GOLGA4: variants seen among roughly 807,000 people sequenced by gnomAD.
GOLGA4 encodes golgin A4.
Under a neutral mutation model 265.9 loss-of-function variants are expected in GOLGA4, and 169 were observed. The ratio of observed to expected loss-of-function variants is 0.64; its 90% CI spans 0.56 to 0.72. The LOEUF (loss-of-function observed/expected upper bound fraction) is 0.72, where lower values mean the gene tolerates loss of function less well. Among genes scored for constraint, GOLGA4 ranks in the 30% least tolerant of loss-of-function variants. The pLI is 0.00. For synonymous variants in GOLGA4, 923 were observed against 855.8 expected (o/e 1.08, Z -1.37); for missense variants, 2,482 against 2,483.4 (o/e 1.00, Z 0.01).
chr3:37,351,322 T>G (rs2097073785), intron 21 of GOLGA4, among the ~76,000 whole-genome samples: 1 of 152,112 alleles, frequency 6.6e-6, no homozygotes, highest in Non-Finnish European at 1.5e-5. Flanking sequence ...CTAATTCTGG[T>G]TCTCTTGATA....
At chr3:37,334,924 T>TGTTTA (rs2097004721) in intron 16 of GOLGA4, 129 bp from the exon 17 acceptor site, 1 of 577,634 alleles carries the variant, frequency 1.7e-6, no homozygotes, top group Non-Finnish European at 3.1e-6. Flanking sequence ...AAAACTTAAA[T>TGTTTA]GTTTATTTCC....
At position 37,361,301 on chromosome 3, in the gene GOLGA4, A is replaced by G; in HGVS notation, c.*29A>G. The G allele has an allele frequency of 6.2e-7, 1 of 1,607,754 alleles. No homozygotes were observed. The highest frequency in any genetic ancestry group is 8.5e-7 in the Non-Finnish European group (1 of 1,174,340). On this transcript the variant is annotated 3_prime_UTR_variant, in exon 23 of 24. Coordinates refer to ENST00000361924, the MANE Select transcript of GOLGA4 (RefSeq NM_002078.5). ...AACCATCAGTCTGTGCTTAGTTAACATGTGGTGAGTGAAGAACAATGTCTT... is the reference window on the plus strand; with the variant it reads ...AACCATCAGTCTGTGCTTAGTTAACGTGTGGTGAGTGAAGAACAATGTCTT...
intron 23 of GOLGA4, 98 bp from the exon 24 acceptor site, chr3:37,365,982 T>A: frequency 3.8e-6 from 4 of 1,054,674 alleles, no homozygotes; most frequent in Admixed American, 2.3e-5. Flanking sequence ...TAGAATTTTA[T>A]TTCAAACTTG....
At chr3:37,330,196 C>CTT (rs1036881025) in intron 16 of GOLGA4, among the ~76,000 whole-genome samples, 3 of 146,350 alleles carry the variant, frequency 2.0e-5, no homozygotes, top group Non-Finnish European at 3.0e-5. Context: ...TTTAGTTCTA[C>CTT]TTTTTTTTTT....
At chr3:37,294,016 T>C (rs534336535) in intron 5 of GOLGA4, among the ~76,000 whole-genome samples, 1 of 152,316 alleles carries the variant, frequency 6.6e-6, no homozygotes, top group East Asian at 1.9e-4. Flanking sequence ...ATTATAATCT[T>C]ATGAAACCAC....
Position 37,275,399 on chromosome 3 carries a change from C to G in GOLGA4, c.163-6559C>G, listed in dbSNP as rs113661281. Among the ~76,000 whole-genome samples the G allele has an allele frequency of 3.4e-3, 519 of 152,228 alleles. 4 individuals carry two copies. Among genetic ancestry groups the G allele is most frequent in the African/African-American group, 0.012 (506 of 41,528 alleles). On this transcript the variant is annotated intron_variant, in intron 2 of 23. Transcript: ENST00000361924. ...GTCTGTTGACTCTAGTCTTGAGCAGCCACTCCAGTTAATCCCAAATTCTCT... is the reference window on the plus strand; with the variant it reads ...GTCTGTTGACTCTAGTCTTGAGCAGGCACTCCAGTTAATCCCAAATTCTCT...
At chr3:37,301,705 C>T (rs2096893100) in intron 9 of GOLGA4, among the ~76,000 whole-genome samples, 1 of 151,970 alleles carries the variant, frequency 6.6e-6, no homozygotes, top group Non-Finnish European at 1.5e-5. Context: ...GAAAACAGAC[C>T]TCAGTTTGTG....
chr3:37,263,531 A>G (rs1005413642), intron 2 of GOLGA4, among the ~76,000 whole-genome samples: 6 of 152,130 alleles, frequency 3.9e-5, no homozygotes, highest in Admixed American at 3.9e-4. Context: ...CTCAGCATGT[A>G]TCCCCTCCCT....
intron 10 of GOLGA4, among the ~76,000 whole-genome samples, chr3:37,314,828 A>C (rs2096933133): frequency 6.6e-6 from 1 of 152,180 alleles, no homozygotes; most frequent in African/African-American, 2.4e-5. Context: ...TCACCTGGAA[A>C]CAACTCTGGT....
In GOLGA4 at chr3:37,282,229, G is replaced by A. The variant is rs370044379; in HGVS notation, c.434G>A (p.Arg145Lys). Residue 145 changes from arginine (R) to lysine (K), a missense_variant, in exon 3 of 24, where the codon AGA becomes AAA. Physicochemically the swap from Arg to Lys is conservative, Grantham distance 26 (BLOSUM62 2). Coordinates refer to ENST00000361924, the MANE Select transcript of GOLGA4 (RefSeq NM_002078.5). ...NKEQLIQRLR[R>K]MERSLSSYRG... ...GAACAGTTGATTCAGCGGTTGCGAAGAATGGAACGAAGCTTAAGTAGCTAC... is the reference window on the plus strand; with the variant it reads ...GAACAGTTGATTCAGCGGTTGCGAAAAATGGAACGAAGCTTAAGTAGCTAC... 28 of 1,614,074 alleles carry A rather than the reference G, an allele frequency of 1.7e-5. No individual in the cohort carries two copies. Among genetic ancestry groups the A allele is most frequent in the Non-Finnish European group, 2.3e-5 (27 of 1,180,038 alleles).
At position 37,281,958 on chromosome 3, in the gene GOLGA4, T is replaced by C; in HGVS notation, c.163T>C (p.Ser55Pro). Residue 55 changes from serine to proline, a missense_variant and splice_region_variant, in exon 3 of 24, where the codon TCA (serine) becomes CCA (proline). Ser to Pro is a moderately conservative substitution (Grantham distance 74). Transcript: ENST00000361924. Reference protein sequence around the residue: ...QLDEGTPNRESGDTQSFAQKL... With the variant: ...QLDEGTPNREPGDTQSFAQKL... ...ACATTCTGTTGGGTTTTGGTTGCAG[T>C]CAGGTGACACACAGTCTTTTGCACA... 1 of 1,605,406 alleles carries C rather than the reference T, an allele frequency of 6.2e-7. No homozygotes were observed. The highest frequency in any genetic ancestry group is 8.5e-7 in the Non-Finnish European group (1 of 1,174,040).
At chr3:37,315,627 T>C (rs765953096) in intron 11 of GOLGA4, 29 bp downstream of exon 11, 3 of 1,556,812 alleles carry the variant, frequency 1.9e-6, no homozygotes, top group Middle Eastern at 1.7e-4. Context: ...TGAAATGGGC[T>C]ACAACAAATT....
In GOLGA4 at chr3:37,347,244, T is replaced by A; in HGVS notation, c.6524T>A (p.Phe2175Tyr). ...DVSLFGEPTE[F>Y]EYLRKVLFEY... ...TCACTCTTTGGAGAACCTACCGAAT[T>A]TGAGTATTTGCGAAAAGTGCTTTTT... Residue 2175 changes from phenylalanine (F) to tyrosine (Y), a missense_variant, in exon 21 of 24, where the codon TTT (phenylalanine) becomes TAT (tyrosine). This residue lies in a region of GOLGA4 where 942 missense variants were observed against 983.1 expected (regional missense o/e 0.96). Transcript: ENST00000361924. 1 of 1,613,108 alleles carries A rather than the reference T, an allele frequency of 6.2e-7. No individual in the cohort carries two copies. The highest frequency in any genetic ancestry group is 8.5e-7 in the Non-Finnish European group (1 of 1,179,350).
At chr3:37,287,334 C>T (rs2096852346) in intron 4 of GOLGA4, among the ~76,000 whole-genome samples, 1 of 152,176 alleles carries the variant, frequency 6.6e-6, no homozygotes, top group Non-Finnish European at 1.5e-5. Context: ...GAGCAAGACT[C>T]CGTCTCAAAA....
At position 37,282,192 on chromosome 3, in the gene GOLGA4, A is replaced by G. The variant is rs780513193; in HGVS notation, c.397A>G (p.Ser133Gly). The G allele has an allele frequency of 1.2e-6, 2 of 1,614,160 alleles. No homozygotes were observed. Among genetic ancestry groups the G allele is most frequent in the Admixed American group, 3.3e-5 (2 of 60,028 alleles). The change falls in exon 3 of 24, where the codon AGT (serine) becomes GGT (glycine). Residue 133 changes from serine to glycine, a missense_variant. Transcript: ENST00000361924. Reference protein sequence around the residue: ...EAEDLVGNSDSLNKEQLIQRL... With the variant: ...EAEDLVGNSDGLNKEQLIQRL... Reference sequence around the variant, plus strand: ...TGAAGACTTGGTAGGGAATTCAGACAGTCTCAACAAAGAACAGTTGATTCA... The same window carrying G: ...TGAAGACTTGGTAGGGAATTCAGACGGTCTCAACAAAGAACAGTTGATTCA...
intron 7 of GOLGA4, 65 bp from the exon 8 acceptor site, chr3:37,298,768 T>A: frequency 5.6e-6 from 6 of 1,075,732 alleles, no homozygotes; most frequent in Non-Finnish European, 6.9e-6. Context: ...GTCTCAGTCA[T>A]AATTTTCCAA....
rs114358893 is a variant in GOLGA4 at position 37,311,137 on chromosome 3, A to G, written c.1235-4283A>G. Among the ~76,000 whole-genome samples, 668 of 152,268 alleles carry G rather than the reference A, an allele frequency of 4.4e-3. 5 individuals are homozygous for G. The highest frequency in any genetic ancestry group is 0.015 in the African/African-American group (636 of 41,546). Reference sequence around the variant, plus strand: ...TCTGGGTAGTAAGTAAACTCTCAGTATATCCTCTTTAAACATAGTGATGAG... The same window carrying G: ...TCTGGGTAGTAAGTAAACTCTCAGTGTATCCTCTTTAAACATAGTGATGAG... On this transcript the variant is annotated intron_variant, in intron 10 of 23. Transcript: ENST00000361924.
intron 11 of GOLGA4, among the ~76,000 whole-genome samples, chr3:37,316,799 GA>G (rs2096938801): frequency 6.6e-6 from 1 of 151,196 alleles, no homozygotes; most frequent in East Asian, 1.9e-4. Context: ...TCTCTTCTCT[GA>G]TTTTTTTTTC....
At chr3:37,320,628 AG>A (rs2096952234) in intron 12 of GOLGA4, among the ~76,000 whole-genome samples, 1 of 152,234 alleles carries the variant, frequency 6.6e-6, no homozygotes. Context: ...AAACTGTAAC[AG>A]TACAACATAA....
Sources: gnomAD v4.1 joint callset for allele counts (sites outside exome capture counted in the v4.1 genomes callset) on GRCh38, gnomAD v4.1.1 for gene constraint, gnomAD v4.1.1 regional missense constraint, MANE v1.5 for transcripts, NCBI Gene and HGNC (gene_info 2026-07-23, HGNC 2026-07-21) for gene names.